The following CSMD1 variants were observed in gnomAD, a reference collection of about 807,000 sequenced individuals.
CSMD1 encodes the protein CUB and sushi domain-containing protein 1.
In CSMD1, 213 loss-of-function variants were observed where a neutral mutation model predicts 417.5. The ratio of observed to expected loss-of-function variants is 0.51; its 90% CI spans 0.46 to 0.57. The LOEUF is 0.57. Among genes scored for constraint, CSMD1 ranks in the 20% least tolerant of loss-of-function variants. The pLI is 0.00. For synonymous variants in CSMD1, 2,862 were observed against 1,736.8 expected (o/e 1.65, Z -16.11); for missense variants, 6,923 against 4,529.7 (o/e 1.53, Z -15.17).
intron 7 of CSMD1, among the ~76,000 whole-genome samples, chr8:3,678,778 A>G (rs1335116594): frequency 1.3e-5 from 2 of 152,196 alleles, no homozygotes; most frequent in Non-Finnish European, 2.9e-5. Flanking sequence ...TGTTAAGTGC[A>G]GCCAGAGAGA....
chr8:4,070,078 C>G (rs1328139720), intron 3 of CSMD1, among the ~76,000 whole-genome samples: 1 of 151,854 alleles, frequency 6.6e-6, no homozygotes, highest in Non-Finnish European at 1.5e-5. Context: ...TTAGTGTTTG[C>G]TCTTGGAATT....
intron 3 of CSMD1, among the ~76,000 whole-genome samples, chr8:4,230,986 T>C (rs1801689826): frequency 6.6e-6 from 1 of 152,212 alleles, no homozygotes; most frequent in Non-Finnish European, 1.5e-5. Flanking sequence ...ACATCAGTAC[T>C]AGTATTTTGT....
At chr8:3,001,498 G>C (rs542941160) in intron 52 of CSMD1, among the ~76,000 whole-genome samples, 1 of 152,150 alleles carries the variant, frequency 6.6e-6, no homozygotes, top group African/African-American at 2.4e-5. Context: ...GGAGTCACAA[G>C]AAGAGGAAAA....
intron 50 of CSMD1, among the ~76,000 whole-genome samples, chr8:3,044,950 T>G (rs1811337966): frequency 6.6e-6 from 1 of 152,236 alleles, no homozygotes; most frequent in Admixed American, 6.5e-5. Context: ...CAAATTTTTC[T>G]GGCTAAGAGG....
chr8:4,243,652 C>G (rs1270860895), intron 3 of CSMD1, among the ~76,000 whole-genome samples: 1 of 152,088 alleles, frequency 6.6e-6, no homozygotes, highest in Non-Finnish European at 1.5e-5. Flanking sequence ...TTTCTTAAAA[C>G]ACATGTGTGA....
Position 4,456,984 on chromosome 8 carries a change from T to TA in CSMD1, c.303-36920_303-36919insT, listed in dbSNP as rs1442562495. ...AGATTTTGATGAGTGTGGTTTTTTT[T>TA]TAAAAAAAAAAAAAACAACAAGAAA... On this transcript the variant is annotated intron_variant, in intron 2 of 69. Coordinates refer to ENST00000635120, the MANE Select transcript of CSMD1 (RefSeq NM_033225.6). Among the ~76,000 whole-genome samples, 66 of 78,590 alleles carry TA rather than the reference T, an allele frequency of 8.4e-4. 1 individual carries two copies. The highest frequency in any genetic ancestry group is 2.9e-3 in the African/African-American group (62 of 21,640). The allele number at this position is 78,590 out of a possible 152,430, so 51.6% of individuals were successfully genotyped here. A position where few individuals can be genotyped will look rare whatever the true frequency, so the allele number is the denominator to read the frequency against.
intron 3 of CSMD1, among the ~76,000 whole-genome samples, chr8:4,273,968 C>T (rs812941): frequency 0.72 from 109,034 of 152,042 alleles, 39,340 homozygotes; most frequent in East Asian, 0.91. Flanking sequence ...GTATTCAGAA[C>T]GACATTTGTA....
intron 2 of CSMD1, among the ~76,000 whole-genome samples, chr8:4,447,818 C>T (rs560967059): frequency 6.6e-6 from 1 of 152,268 alleles, no homozygotes; most frequent in Non-Finnish European, 1.5e-5. Flanking sequence ...TAAGAAGTCA[C>T]AACGTTTCAA....
At chr8:3,836,677 C>A (rs1174105797) in intron 5 of CSMD1, among the ~76,000 whole-genome samples, 5 of 151,982 alleles carry the variant, frequency 3.3e-5, no homozygotes, top group African/African-American at 1.2e-4. Flanking sequence ...CCTGTAATAA[C>A]CTTTGTTCAA....
chr8:3,702,862 T>C (rs776012551), intron 7 of CSMD1, among the ~76,000 whole-genome samples: 1 of 152,208 alleles, frequency 6.6e-6, no homozygotes, highest in Non-Finnish European at 1.5e-5. Flanking sequence ...GTCAGTTTAA[T>C]AATTTCTTTG....
At chr8:3,403,450 C>A (rs908668694) in intron 15 of CSMD1, among the ~76,000 whole-genome samples, 1 of 152,226 alleles carries the variant, frequency 6.6e-6, no homozygotes, top group African/African-American at 2.4e-5. Context: ...TTAGGTTTCT[C>A]AACGCAGGTA....
intron 2 of CSMD1, among the ~76,000 whole-genome samples, chr8:4,577,275 G>A (rs972915268): frequency 6.6e-6 from 1 of 152,258 alleles, no homozygotes; most frequent in African/African-American, 2.4e-5. Flanking sequence ...CCTCAGATGG[G>A]CTGACTTCAT....
chr8:4,638,010 T>C (rs1157955222), intron 1 of CSMD1, among the ~76,000 whole-genome samples: 3 of 152,170 alleles, frequency 2.0e-5, no homozygotes, highest in Non-Finnish European at 1.5e-5. Flanking sequence ...TGCACAAATA[T>C]TGAAGGATAA....
At chr8:3,709,443 C>T (rs1364282477) in intron 6 of CSMD1, among the ~76,000 whole-genome samples, 2 of 152,036 alleles carry the variant, frequency 1.3e-5, no homozygotes, top group African/African-American at 4.8e-5. Flanking sequence ...TATGTGTGAA[C>T]CTGACTGCAC....
chr8:4,664,464 G>T (rs367814900), intron 1 of CSMD1, among the ~76,000 whole-genome samples: 33 of 152,238 alleles, frequency 2.2e-4, no homozygotes, highest in Admixed American at 2.0e-3. Flanking sequence ...AGAGGCTAAG[G>T]TGGGAGGACT....
At chr8:4,923,116 A>T (rs564285492) in intron 1 of CSMD1, among the ~76,000 whole-genome samples, 3 of 152,224 alleles carry the variant, frequency 2.0e-5, no homozygotes, top group Admixed American at 2.0e-4. Flanking sequence ...CAATTATACT[A>T]GCATGGAATT....
chr8:4,260,225 C>T (rs772133289), intron 3 of CSMD1, among the ~76,000 whole-genome samples: 5 of 152,132 alleles, frequency 3.3e-5, no homozygotes, highest in Non-Finnish European at 7.3e-5. Flanking sequence ...GTGAACACTA[C>T]CTCTTTGCTA....
At chr8:4,179,007 G>A (rs1358596899) in intron 3 of CSMD1, among the ~76,000 whole-genome samples, 1 of 151,186 alleles carries the variant, frequency 6.6e-6, no homozygotes, top group Non-Finnish European at 1.5e-5. Flanking sequence ...ACTGCCCAAG[G>A]TAATTTATAC....
chr8:3,073,968 C>T (rs1254776160), intron 49 of CSMD1, among the ~76,000 whole-genome samples: 1 of 152,172 alleles, frequency 6.6e-6, no homozygotes, highest in African/African-American at 2.4e-5. Flanking sequence ...AGGCCCAAAA[C>T]AGCACACATT....
Sources: gnomAD v4.1 joint callset for allele counts (sites outside exome capture counted in the v4.1 genomes callset) on GRCh38, gnomAD v4.1.1 for gene constraint, MANE v1.5 for transcripts, NCBI Gene and HGNC (gene_info 2026-07-23, HGNC 2026-07-21) for gene names.